Variants in SMARCA2 observed in about 807,000 individuals in gnomAD.
The protein encoded by SMARCA2 is SWI/SNF-related matrix-associated actin-dependent regulator of chromatin subfamily A member 2.
Under a neutral mutation model 199.8 loss-of-function variants are expected in SMARCA2, and 61 were observed. The observed-to-expected ratio is 0.31, with a 90% CI of 0.25 to 0.38. The LOEUF (loss-of-function observed/expected upper bound fraction) is 0.38, where lower values mean the gene tolerates loss of function less well. Ranked by LOEUF, SMARCA2 falls within the 10% of genes least tolerant of loss-of-function variation. SMARCA2 has a pLI of 1.00. For missense variants in SMARCA2, 1,344 were observed against 2,012.2 expected, an observed-to-expected ratio of 0.67 and a Z score of 6.35; for synonymous variants, 935 against 732.0, an observed-to-expected ratio of 1.28 and a Z score of -4.48.
At chr9:2,107,136 A>T (rs1392941242) in intron 23 of SMARCA2, among the ~76,000 whole-genome samples, 2 of 151,538 alleles carry the variant, frequency 1.3e-5, no homozygotes, top group African/African-American at 4.9e-5. Context: ...AAATTAAAAA[A>T]ATATTTGTTA....
chr9:2,128,923 T>A (rs1430951668), intron 27 of SMARCA2, among the ~76,000 whole-genome samples: 1 of 152,150 alleles, frequency 6.6e-6, no homozygotes. Context: ...CTCCATAAGT[T>A]AAAGTGCATA....
chr9:2,156,319 T>C (rs975378325), intron 27 of SMARCA2, among the ~76,000 whole-genome samples: 4 of 150,522 alleles, frequency 2.7e-5, no homozygotes, highest in African/African-American at 7.3e-5. Context: ...TGGGGTTTAA[T>C]TGGGGTTAAG....
intron 9 of SMARCA2, among the ~76,000 whole-genome samples, chr9:2,062,414 A>C: frequency 6.6e-6 from 1 of 152,208 alleles, no homozygotes; most frequent in East Asian, 1.9e-4. Flanking sequence ...TTGTGATTAA[A>C]AGCTAATGAC....
intron 3 of SMARCA2, among the ~76,000 whole-genome samples, chr9:2,037,038 G>T (rs377388091): frequency 1.3e-5 from 2 of 152,148 alleles, no homozygotes; most frequent in South Asian, 2.1e-4. Context: ...AGCCCTGGTC[G>T]TATCTCTTCT....
intron 27 of SMARCA2, chr9:2,160,510 T>G: frequency 3.1e-6 from 2 of 636,066 alleles, no homozygotes; most frequent in Non-Finnish European, 5.8e-6. Context: ...CAGGAAGCGT[T>G]GTACATAAGT....
intron 27 of SMARCA2, chr9:2,158,920 G>T: frequency 6.2e-7 from 1 of 1,610,456 alleles, no homozygotes; most frequent in Non-Finnish European, 8.5e-7. Flanking sequence ...GGGGAGGAGG[G>T]AAGATGTTTT....
At position 2,158,521 on chromosome 9, in the gene SMARCA2, C is replaced by G. The variant is rs76933240; in HGVS notation, c.3982-3165C>G. 5.5e-3 allele frequency: 871 copies of G among 158,546 alleles called. 10 individuals are homozygous for G. The highest frequency in any genetic ancestry group is 0.02 in the African/African-American group (830 of 41,818). 9.8% of individuals were successfully genotyped at this position (158,546 alleles called of 1,614,324 possible). A position where few individuals can be genotyped will look rare whatever the true frequency, so the allele number is the denominator to read the frequency against. ...TGTATGTTGAATTAGGGCTCGCACT[C>G]TTGCGCAACACGTCACCAGTCGGAA... On this transcript the variant is annotated intron_variant, in intron 27 of 33. Transcript: ENST00000349721.
At chr9:2,190,899 T>C (rs1827832680) in intron 32 of SMARCA2, among the ~76,000 whole-genome samples, 1 of 152,196 alleles carries the variant, frequency 6.6e-6, no homozygotes, top group African/African-American at 2.4e-5. Flanking sequence ...TATTTATATT[T>C]TTAATGTAAA....
At chr9:2,159,748 G>A in intron 27 of SMARCA2, 1 of 1,541,252 alleles carries the variant, frequency 6.5e-7, no homozygotes, top group Non-Finnish European at 8.8e-7. Flanking sequence ...TAAATTTTCA[G>A]TAAAATAAAA....
intron 27 of SMARCA2, among the ~76,000 whole-genome samples, chr9:2,143,582 A>G (rs1218179045): frequency 6.6e-6 from 1 of 152,234 alleles, no homozygotes; most frequent in Non-Finnish European, 1.5e-5. Context: ...ACCAGGGGGA[A>G]AAGATTGCTT....
intron 9 of SMARCA2, among the ~76,000 whole-genome samples, chr9:2,064,988 T>A (rs902640000): frequency 1.3e-5 from 2 of 152,212 alleles, no homozygotes; most frequent in East Asian, 1.9e-4. Context: ...ATCGAGACCA[T>A]CCTGGCTAAC....
At chr9:2,181,701 A>G in intron 30 of SMARCA2, 25 bp downstream of exon 30, 2 of 1,148,322 alleles carry the variant, frequency 1.7e-6, no homozygotes, top group Non-Finnish European at 2.6e-6. Context: ...TACCAACTTT[A>G]TTCTTCAAGT....
intron 13 of SMARCA2, 76 bp downstream of exon 13, chr9:2,076,405 G>A (rs1488581189): frequency 5.2e-6 from 5 of 954,168 alleles, no homozygotes; most frequent in Non-Finnish European, 6.8e-6. Context: ...AGGAAATTTT[G>A]TTCAAGGAAG....
intron 29 of SMARCA2, among the ~76,000 whole-genome samples, chr9:2,180,859 G>A (rs1027004775): frequency 6.6e-6 from 1 of 152,298 alleles, no homozygotes; most frequent in African/African-American, 2.4e-5. Flanking sequence ...GGAGGGTACA[G>A]CACTAATCCC....
intron 29 of SMARCA2, among the ~76,000 whole-genome samples, chr9:2,178,725 A>T (rs1444457076): frequency 1.3e-5 from 2 of 151,472 alleles, no homozygotes; most frequent in African/African-American, 4.9e-5. Flanking sequence ...TGTTTGTTTA[A>T]TTTTTTTTTA....
At chr9:2,173,431 A>C (rs2129762681) in intron 29 of SMARCA2, among the ~76,000 whole-genome samples, 1 of 152,298 alleles carries the variant, frequency 6.6e-6, no homozygotes, top group African/African-American at 2.4e-5. Context: ...AAGCCCAAGC[A>C]CCTCTGCATT....
chr9:2,031,498 T>C (rs1032561056), intron 2 of SMARCA2, among the ~76,000 whole-genome samples: 7 of 152,380 alleles, frequency 4.6e-5, no homozygotes, highest in African/African-American at 1.4e-4. Context: ...AGCTAAACTT[T>C]ATTGTTCTTT....
chr9:2,057,249 G>A (rs570563618), intron 7 of SMARCA2, among the ~76,000 whole-genome samples: 1 of 152,212 alleles, frequency 6.6e-6, no homozygotes, highest in African/African-American at 2.4e-5. Flanking sequence ...GTTGCAAACT[G>A]TTAACTTCTC....
chr9:2,114,250 A>G (rs1365673749), intron 24 of SMARCA2, among the ~76,000 whole-genome samples: 1 of 152,222 alleles, frequency 6.6e-6, no homozygotes, highest in Non-Finnish European at 1.5e-5. Flanking sequence ...ATAATCTAAT[A>G]TAGATGGGTC....
Sources: gnomAD v4.1 joint callset for allele counts (sites outside exome capture counted in the v4.1 genomes callset) on GRCh38, gnomAD v4.1.1 for gene constraint, MANE v1.5 for transcripts, NCBI Gene and HGNC (gene_info 2026-07-23, HGNC 2026-07-21) for gene names.